Variants in COMMD10 observed in about 807,000 individuals in gnomAD.
COMMD10 encodes COMM domain-containing protein 10.
Under a neutral mutation model 28.9 loss-of-function variants are expected in COMMD10, and 33 were observed. The observed-to-expected ratio is 1.14, with a 90% CI of 0.87 to 1.53. The LOEUF (loss-of-function observed/expected upper bound fraction) is 1.53. Among genes scored for constraint, COMMD10 ranks in the 40% most tolerant of loss-of-function variants. The pLI is 0.00. For missense variants in COMMD10, 310 were observed against 233.4 expected (o/e 1.33, Z -2.14); for synonymous variants, 110 against 81.7 (o/e 1.35, Z -1.87).
At chr5:116,253,106 T>G (rs1484953912) in intron 5 of COMMD10, among the ~76,000 whole-genome samples, 1 of 80,946 alleles carries the variant, frequency 1.2e-5, no homozygotes, top group East Asian at 2.9e-4. Flanking sequence ...CTGTCTGTTA[T>G]TGGTGTATAA....
intron 5 of COMMD10, among the ~76,000 whole-genome samples, chr5:116,231,476 A>G (rs1303425377): frequency 6.6e-6 from 1 of 152,102 alleles, no homozygotes; most frequent in Non-Finnish European, 1.5e-5. Flanking sequence ...TTATTCAGCG[A>G]GTCGTGGTTA....
At chr5:116,135,133 C>A (rs1751989583) in intron 5 of COMMD10, among the ~76,000 whole-genome samples, 1 of 151,840 alleles carries the variant, frequency 6.6e-6, no homozygotes, top group African/African-American at 2.4e-5. Context: ...TGACTTTTTC[C>A]TCCTAAGTAG....
chr5:116,190,611 T>C (rs550320183), intron 5 of COMMD10, among the ~76,000 whole-genome samples: 17 of 152,332 alleles, frequency 1.1e-4, no homozygotes, highest in Middle Eastern at 3.4e-3. Flanking sequence ...TTCTTTGGAA[T>C]ATAAATGCTA....
intron 4 of COMMD10, among the ~76,000 whole-genome samples, chr5:116,123,449 C>T (rs548751652): frequency 3.5e-4 from 54 of 152,120 alleles, no homozygotes; most frequent in Non-Finnish European, 6.3e-4. Flanking sequence ...AACTTTTTGA[C>T]GTGCTGCTGG....
chr5:116,119,912 G>A (rs1751369432), intron 4 of COMMD10, among the ~76,000 whole-genome samples: 1 of 152,060 alleles, frequency 6.6e-6, no homozygotes, highest in Middle Eastern at 3.2e-3. Context: ...GAGTCACTGT[G>A]CCTGCCTTGT....
intron 5 of COMMD10, among the ~76,000 whole-genome samples, chr5:116,287,936 T>C (rs1751261816): frequency 2.0e-5 from 3 of 151,842 alleles, no homozygotes; most frequent in African/African-American, 7.3e-5. Flanking sequence ...GGGTTTTGTT[T>C]TGTTTTGGGG....
intron 5 of COMMD10, among the ~76,000 whole-genome samples, chr5:116,269,176 GTTTA>G (rs1750688560): frequency 6.6e-6 from 1 of 151,786 alleles, no homozygotes; most frequent in Non-Finnish European, 1.5e-5. Flanking sequence ...CCACGTTTAT[GTTTA>G]TTAACAACTG....
At chr5:116,268,219 C>T (rs1580598952) in intron 5 of COMMD10, among the ~76,000 whole-genome samples, 1 of 151,922 alleles carries the variant, frequency 6.6e-6, no homozygotes. Flanking sequence ...GGGCTAATAT[C>T]CAGAATCTAC....
chr5:116,121,327 C>G (rs1413597934), intron 4 of COMMD10, among the ~76,000 whole-genome samples: 1 of 152,176 alleles, frequency 6.6e-6, no homozygotes, highest in Non-Finnish European at 1.5e-5. Context: ...TTTTTTATGG[C>G]TGCATAGTAT....
At chr5:116,237,266 G>A (rs1749691777) in intron 5 of COMMD10, among the ~76,000 whole-genome samples, 1 of 152,094 alleles carries the variant, frequency 6.6e-6, no homozygotes, top group Non-Finnish European at 1.5e-5. Flanking sequence ...ATTGAAATGG[G>A]CTGCGTCACT....
intron 5 of COMMD10, among the ~76,000 whole-genome samples, chr5:116,284,754 T>G (rs1007869081): frequency 6.6e-6 from 1 of 151,906 alleles, no homozygotes; most frequent in African/African-American, 2.4e-5. Flanking sequence ...TCTCTTTTTC[T>G]TCCCTTAACA....
intron 2 of COMMD10, among the ~76,000 whole-genome samples, chr5:116,090,337 A>G (rs573759475): frequency 5.0e-4 from 76 of 152,302 alleles, no homozygotes; most frequent in African/African-American, 1.8e-3. Flanking sequence ...TACAGTGTTT[A>G]GGGCAGTCCT....
At chr5:116,195,538 A>G (rs72804879) in intron 5 of COMMD10, among the ~76,000 whole-genome samples, 14,903 of 152,192 alleles carry the variant, frequency 0.098, 897 homozygotes, top group East Asian at 0.24. Context: ...AATCAAGTCA[A>G]GAACTCAACC....
intron 4 of COMMD10, among the ~76,000 whole-genome samples, chr5:116,116,653 T>C (rs997517143): frequency 4.6e-5 from 7 of 152,118 alleles, no homozygotes; most frequent in African/African-American, 1.7e-4. Flanking sequence ...TAAATGCTGC[T>C]ATGTATTCTC....
chr5:116,092,792 G>T lies in COMMD10; in HGVS notation c.399+92G>T, dbSNP rs370201279. 547 of 941,128 alleles carry T rather than the reference G, an allele frequency of 5.8e-4. 9 individuals are homozygous for T. In the South Asian group the frequency reaches 0.013, roughly 23 times the overall value. 58.3% of individuals were successfully genotyped at this position (941,128 alleles called of 1,614,324 possible). A position where few individuals can be genotyped will look rare whatever the true frequency, so the allele number is the denominator to read the frequency against. On this transcript the variant is annotated intron_variant, in intron 4 of 6. Coordinates refer to ENST00000274458, the MANE Select transcript of COMMD10 (RefSeq NM_016144.4). Reference sequence around the variant, plus strand: ...GTTTTTAAAGTGATAATATTTTGTTGAGAGGTAGAGTCAGGCAAAAGAAAC... The same window carrying T: ...GTTTTTAAAGTGATAATATTTTGTTTAGAGGTAGAGTCAGGCAAAAGAAAC...
chr5:116,257,446 T>C (rs1388467709), intron 5 of COMMD10, among the ~76,000 whole-genome samples: 1 of 151,782 alleles, frequency 6.6e-6, no homozygotes, highest in East Asian at 1.9e-4. Flanking sequence ...TAAAGAAATA[T>C]TTAATTTTCA....
intron 5 of COMMD10, among the ~76,000 whole-genome samples, chr5:116,218,585 C>G (rs938484452): frequency 6.6e-6 from 1 of 152,020 alleles, no homozygotes; most frequent in Non-Finnish European, 1.5e-5. Flanking sequence ...ACCAAGAGTC[C>G]TTTACTTAGG....
chr5:116,261,536 T>C (rs1259350235), intron 5 of COMMD10, among the ~76,000 whole-genome samples: 1 of 151,774 alleles, frequency 6.6e-6, no homozygotes, highest in South Asian at 2.1e-4. Context: ...TCTAAAAACA[T>C]GTTACCATGA....
chr5:116,150,299 C>T (rs1391767351), intron 5 of COMMD10, among the ~76,000 whole-genome samples: 5 of 152,110 alleles, frequency 3.3e-5, no homozygotes, highest in African/African-American at 4.8e-5. Context: ...GTGATGCCTC[C>T]AGCTTTTTTC....
Sources: allele counts gnomAD v4.1 joint callset (sites outside exome capture counted in the v4.1 genomes callset), GRCh38; gene constraint gnomAD v4.1.1; transcripts MANE v1.5; gene names NCBI Gene and HGNC (gene_info 2026-07-23, HGNC 2026-07-21).